MARCHF11: variants seen among roughly 807,000 people sequenced by gnomAD.
The protein encoded by MARCHF11 is membrane associated ring-CH-type finger 11, also known as E3 ubiquitin-protein ligase MARCHF11.
In MARCHF11, 29 loss-of-function variants were observed where a neutral mutation model predicts 37.3. That is an observed-to-expected ratio of 0.78 (90% CI 0.58 to 1.06). The LOEUF (loss-of-function observed/expected upper bound fraction) is 1.06. Among genes scored for constraint, MARCHF11 ranks in the 50% least tolerant of loss-of-function variants. The pLI is 0.00. For missense variants in MARCHF11, 482 were observed against 533.4 expected, an observed-to-expected ratio of 0.90 and a Z score of 0.95; for synonymous variants, 233 against 228.0, an observed-to-expected ratio of 1.02 and a Z score of -0.20.
At chr5:16,174,537 A>G (rs1738323736) in intron 2 of MARCHF11, among the ~76,000 whole-genome samples, 1 of 152,240 alleles carries the variant, frequency 6.6e-6, no homozygotes, top group African/African-American at 2.4e-5. Flanking sequence ...TGTTTTCCTC[A>G]CACACACCTG....
At chr5:16,070,706 T>C (rs940135409) in intron 3 of MARCHF11, among the ~76,000 whole-genome samples, 2 of 152,224 alleles carry the variant, frequency 1.3e-5, no homozygotes, top group Non-Finnish European at 2.9e-5. Context: ...GTCTTTATAG[T>C]ACATTTTGAA....
intron 2 of MARCHF11, among the ~76,000 whole-genome samples, chr5:16,103,542 C>G (rs1736993452): frequency 6.6e-6 from 1 of 152,164 alleles, no homozygotes; most frequent in South Asian, 2.1e-4. Context: ...CCTGCCTAGT[C>G]CTGTTCTTGC....
intron 2 of MARCHF11, among the ~76,000 whole-genome samples, chr5:16,154,721 A>G (rs933739986): frequency 6.6e-6 from 1 of 151,996 alleles, no homozygotes; most frequent in African/African-American, 2.4e-5. Flanking sequence ...AGATCTGCAA[A>G]TGGTCAGCAA....
At position 16,179,467 on chromosome 5, in the gene MARCHF11, CCGGCGGCGGCGT is replaced by C. The variant is rs960485672; in HGVS notation, c.97_108del (p.Thr33_Pro36del). On this transcript the variant is annotated inframe_deletion, in exon 1 of 4. Coordinates refer to ENST00000332432, the MANE Select transcript of MARCHF11 (RefSeq NM_001102562.3). ...GCCGCGGGGACCGGGGCCGGCTCTC[CCGGCGGCGGCGT>C]CGGCGGCGGCGGCGGGGGAGGTTGC... The C allele has an allele frequency of 2.7e-5, 31 of 1,128,500 alleles. No individual in the cohort carries two copies. Among genetic ancestry groups the C allele is most frequent in the African/African-American group, 1.3e-4 (8 of 60,148 alleles). 69.9% of individuals were successfully genotyped at this position (1,128,500 alleles called of 1,614,324 possible).
intron 2 of MARCHF11, among the ~76,000 whole-genome samples, chr5:16,104,919 A>C (rs113952684): frequency 6.7e-6 from 1 of 149,984 alleles, no homozygotes; most frequent in Non-Finnish European, 1.5e-5. Context: ...AAGGAAACAC[A>C]CACACACACA....
At chr5:16,071,385 A>C (rs1240188295) in intron 3 of MARCHF11, among the ~76,000 whole-genome samples, 1 of 152,222 alleles carries the variant, frequency 6.6e-6, no homozygotes, top group East Asian at 1.9e-4. Flanking sequence ...TTTTCTTACT[A>C]GTAATGTTTA....
At chr5:16,131,161 G>A (rs1737508704) in intron 2 of MARCHF11, among the ~76,000 whole-genome samples, 1 of 152,174 alleles carries the variant, frequency 6.6e-6, no homozygotes, top group African/African-American at 2.4e-5. Context: ...CCTTAAACAA[G>A]TTCAAAATTC....
At chr5:16,069,347 G>C (rs1736399004) in intron 3 of MARCHF11, among the ~76,000 whole-genome samples, 1 of 152,096 alleles carries the variant, frequency 6.6e-6, no homozygotes, top group Admixed American at 6.6e-5. Flanking sequence ...CTAAATTCAT[G>C]GTAGTGAAGA....
At chr5:16,146,894 A>G (rs938404420) in intron 2 of MARCHF11, among the ~76,000 whole-genome samples, 1 of 152,110 alleles carries the variant, frequency 6.6e-6, no homozygotes, top group African/African-American at 2.4e-5. Flanking sequence ...ATGAGATAGC[A>G]AGAGGCATAA....
At position 16,112,093 on chromosome 5, in the gene MARCHF11, G is replaced by A. The variant is rs563756701; in HGVS notation, c.694-21012C>T. Reference sequence around the variant, plus strand: ...TTTGCTGCAGGAGTGTGGCCCTCATGGAAAACCTCTGCTAGGGCTGTGCAG... The same window carrying A: ...TTTGCTGCAGGAGTGTGGCCCTCATAGAAAACCTCTGCTAGGGCTGTGCAG... On this transcript the variant is annotated intron_variant, in intron 2 of 3. Coordinates refer to ENST00000332432, the MANE Select transcript of MARCHF11 (RefSeq NM_001102562.3). Among the ~76,000 whole-genome samples, 3 of 152,306 alleles carry A rather than the reference G, an allele frequency of 2.0e-5. No individual in the cohort carries two copies. In the East Asian group the frequency reaches 5.8e-4, roughly 29 times the overall value.
intron 2 of MARCHF11, among the ~76,000 whole-genome samples, chr5:16,148,397 C>T (rs1236303068): frequency 2.0e-5 from 3 of 152,076 alleles, no homozygotes; most frequent in African/African-American, 7.2e-5. Flanking sequence ...TCCTTCTTTC[C>T]TCACTGGCCT....
intron 2 of MARCHF11, among the ~76,000 whole-genome samples, chr5:16,157,594 G>T (rs568692564): frequency 6.6e-6 from 1 of 152,012 alleles, no homozygotes; most frequent in East Asian, 1.9e-4. Flanking sequence ...GGAAAGGACG[G>T]TCTCTTCAAT....
At position 16,179,195 on chromosome 5, in the gene MARCHF11, G is replaced by A. The variant is rs1023099199; in HGVS notation, c.381C>T (p.Gly127=). 1.7e-5 allele frequency: 23 copies of A among 1,340,314 alleles called. No individual in the cohort carries two copies. The highest frequency in any genetic ancestry group is 2.0e-5 in the Non-Finnish European group (21 of 1,053,958). The allele number at this position is 1,340,314 out of a possible 1,614,324, so 83.0% of individuals were successfully genotyped here. A position where few individuals can be genotyped will look rare whatever the true frequency, so the allele number is the denominator to read the frequency against. The change falls in exon 1 of 4, where the codon GGC becomes GGT. Residue 127 remains glycine, a synonymous_variant. Transcript: ENST00000332432. ...GGPGESEAGA[G]GERERRGAGD... ...CGGCGCCCCGCCGCTCGCGCTCGCC[G>A]CCCGCGCCGGCCTCAGACTCCCCGG... is the stretch of plus-strand genomic sequence containing the variant.
intron 2 of MARCHF11, among the ~76,000 whole-genome samples, chr5:16,145,948 T>G (rs1203289929): frequency 1.3e-5 from 2 of 152,188 alleles, no homozygotes; most frequent in Non-Finnish European, 2.9e-5. Flanking sequence ...GGGTTTTATG[T>G]GAAAGCATTT....
At chr5:16,121,733 T>G (rs1368671384) in intron 2 of MARCHF11, among the ~76,000 whole-genome samples, 1 of 152,176 alleles carries the variant, frequency 6.6e-6, no homozygotes. Context: ...GTGAACAGTC[T>G]CCATTCATAG....
intron 2 of MARCHF11, among the ~76,000 whole-genome samples, chr5:16,129,448 C>A (rs557282508): frequency 6.6e-6 from 1 of 152,094 alleles, no homozygotes; most frequent in African/African-American, 2.4e-5. Context: ...TTAAAATAAA[C>A]CATTTTTAAA....
intron 3 of MARCHF11, among the ~76,000 whole-genome samples, chr5:16,070,409 A>G (rs1190893118): frequency 6.6e-6 from 1 of 152,236 alleles, no homozygotes; most frequent in African/African-American, 2.4e-5. Flanking sequence ...TTAAAAATCA[A>G]TAGTGAATCT....
At chr5:16,147,243 A>C (rs1266594627) in intron 2 of MARCHF11, among the ~76,000 whole-genome samples, 1 of 152,148 alleles carries the variant, frequency 6.6e-6, no homozygotes, top group Non-Finnish European at 1.5e-5. Context: ...ACAGCCCTTT[A>C]TTTAAAAATC....
At position 16,179,343 on chromosome 5, in the gene MARCHF11, C is replaced by G. The variant is rs1738426332; in HGVS notation, c.233G>C (p.Gly78Ala). 5.0e-6 allele frequency: 6 copies of G among 1,195,344 alleles called. No homozygotes were observed. Among genetic ancestry groups the G allele is most frequent in the Non-Finnish European group, 5.2e-6 (5 of 964,978 alleles). The allele number at this position is 1,195,344 out of a possible 1,614,324, so 74.0% of individuals were successfully genotyped here. A position where few individuals can be genotyped will look rare whatever the true frequency, so the allele number is the denominator to read the frequency against. The change falls in exon 1 of 4, where the codon GGA becomes GCA. Residue 78 changes from glycine to alanine, a missense_variant. By Grantham distance (60) the Gly-to-Ala change is moderately conservative. Coordinates refer to ENST00000332432, the MANE Select transcript of MARCHF11 (RefSeq NM_001102562.3). ...GGGCGGAGGCGGCAGCTCGTCCGCTCCCCTGCACCGCGGGGCCACCTCCCC... is the reference window on the plus strand; with the variant it reads ...GGGCGGAGGCGGCAGCTCGTCCGCTGCCCTGCACCGCGGGGCCACCTCCCC... ...PLGEVAPRCR[G>A]ADELPPPPLP...
Sources: gnomAD v4.1 joint callset for allele counts (sites outside exome capture counted in the v4.1 genomes callset) on GRCh38, gnomAD v4.1.1 for gene constraint, MANE v1.5 for transcripts, NCBI Gene and HGNC (gene_info 2026-07-23, HGNC 2026-07-21) for gene names.